NFE2L3: variants seen among roughly 807,000 people sequenced by gnomAD.
The protein encoded by NFE2L3 is NFE2 like bZIP transcription factor 3.
NFE2L3 carries 18 observed loss-of-function variants against 23.5 expected under a neutral mutation model. The observed-to-expected ratio is 0.77, with a 90% CI of 0.53 to 1.13. The LOEUF (loss-of-function observed/expected upper bound fraction) is 1.13. Among genes scored for constraint, NFE2L3 ranks in the 50% most tolerant of loss-of-function variants. The pLI, the probability that NFE2L3 is intolerant of heterozygous loss-of-function variation, is 0.00. For synonymous variants in NFE2L3, 424 were observed against 354.5 expected, an observed-to-expected ratio of 1.20 and a Z score of -2.20; for missense variants, 1,152 against 877.2, an observed-to-expected ratio of 1.31 and a Z score of -3.96.
At chr7:26,163,548 C>T (rs918168810) in intron 1 of NFE2L3, among the ~76,000 whole-genome samples, 3 of 152,040 alleles carry the variant, frequency 2.0e-5, no homozygotes, top group African/African-American at 4.8e-5. Context: ...GATTTCACCA[C>T]GTTGACCAGG....
Position 26,180,852 on chromosome 7 carries a change from TA to T in NFE2L3, c.750+2732del, listed in dbSNP as rs531423250. Among the ~76,000 whole-genome samples the T allele has an allele frequency of 5.1e-4, 77 of 152,338 alleles. 4 individuals carry two copies. The highest frequency in any genetic ancestry group is 4.8e-3 in the Admixed American group (74 of 15,298). ...TGGACAAAACTTTTCAGAAACATATTAATCATTCAAAGCCAGGCATTTGTGC... is the reference window on the plus strand; with the variant it reads ...TGGACAAAACTTTTCAGAAACATATTATCATTCAAAGCCAGGCATTTGTGC... On this transcript the variant is annotated intron_variant, in intron 2 of 3. Coordinates refer to ENST00000056233, the MANE Select transcript of NFE2L3 (RefSeq NM_004289.7).
intron 1 of NFE2L3, among the ~76,000 whole-genome samples, chr7:26,158,621 G>A (rs993982001): frequency 2.0e-5 from 3 of 152,198 alleles, no homozygotes; most frequent in Admixed American, 2.0e-4. Flanking sequence ...TTTCCAGTCA[G>A]TATTTCCCCT....
In NFE2L3 at chr7:26,153,053, C is replaced by T. The variant is rs1267989158; in HGVS notation, c.555C>T (p.Gly185=). 2.8e-5 allele frequency: 42 copies of T among 1,526,292 alleles called. No homozygotes were observed. Among genetic ancestry groups the T allele is most frequent in the Non-Finnish European group, 3.2e-5 (37 of 1,140,468 alleles). 94.5% of individuals were successfully genotyped at this position (1,526,292 alleles called of 1,614,324 possible). A position where few individuals can be genotyped will look rare whatever the true frequency, so the allele number is the denominator to read the frequency against. The part of the protein sequence containing the change: ...AEPTAQVPDA[G]GCASEENGVL... ...CGACGGCTCAGGTGCCGGACGCTGG[C>T]GGATGTGCGAGCGAGGTAGGTGCAG... Residue 185 remains glycine (G), a synonymous_variant, in exon 1 of 4, where the codon GGC becomes GGT. Coordinates refer to ENST00000056233, the MANE Select transcript of NFE2L3 (RefSeq NM_004289.7).
chr7:26,166,220 CAG>C (rs966344598), intron 1 of NFE2L3, among the ~76,000 whole-genome samples: 2 of 152,102 alleles, frequency 1.3e-5, no homozygotes, highest in Non-Finnish European at 2.9e-5. Flanking sequence ...CAGGGGCAGA[CAG>C]GGACGTTGGA....
In NFE2L3 at chr7:26,184,858, A is replaced by G; in HGVS notation, c.1160A>G (p.Asn387Ser). The change falls in exon 4 of 4, where the codon AAT becomes AGT. Residue 387 changes from asparagine (N) to serine (S), a missense_variant. By Grantham distance (46) the Asn-to-Ser change is conservative (BLOSUM62 1). Coordinates refer to ENST00000056233, the MANE Select transcript of NFE2L3 (RefSeq NM_004289.7). The part of the protein sequence containing the change: ...SQDLLYDLDI[N>S]IFDEINLMSL... Reference sequence around the variant, plus strand: ...GACCTACTGTATGACCTTGACATAAATATATTTGATGAGATAAACTTAATG... The same window carrying G: ...GACCTACTGTATGACCTTGACATAAGTATATTTGATGAGATAAACTTAATG... The G allele has an allele frequency of 6.2e-7, 1 of 1,613,954 alleles. No individual in the cohort carries two copies. Among genetic ancestry groups the G allele is most frequent in the South Asian group, 1.1e-5 (1 of 91,068 alleles).
chr7:26,163,408 G>A (rs918137660), intron 1 of NFE2L3, among the ~76,000 whole-genome samples: 5 of 152,082 alleles, frequency 3.3e-5, no homozygotes, highest in African/African-American at 9.7e-5. Flanking sequence ...GTGCAATGGC[G>A]CGATCTCAGC....
intron 1 of NFE2L3, among the ~76,000 whole-genome samples, chr7:26,175,892 TG>T (rs1784396728): frequency 6.8e-6 from 1 of 147,190 alleles, no homozygotes; most frequent in African/African-American, 2.6e-5. Context: ...TGATCATTCT[TG>T]GGTGTTTCTT....
At chr7:26,165,566 C>T (rs1391161343) in intron 1 of NFE2L3, among the ~76,000 whole-genome samples, 2 of 152,214 alleles carry the variant, frequency 1.3e-5, no homozygotes, top group African/African-American at 4.8e-5. Context: ...ATGGGATTTT[C>T]TAGATATACA....
rs1372598650 is a variant in NFE2L3, at chr7:26,187,006, CAG to C, written c.*1225_*1226del. The C allele has an allele frequency of 5.9e-5, 9 of 152,044 alleles. No individual in the cohort carries two copies. The allele number at this position is 152,044 out of a possible 1,614,324, so 9.4% of individuals were successfully genotyped here. A position where few individuals can be genotyped will look rare whatever the true frequency, so the allele number is the denominator to read the frequency against. The stretch of plus-strand genomic sequence containing the variant: ...TCCAAATTTTCAAAATGAAGTTTCT[CAG>C]ATATTATTTCTGCCATAGGAGCTAC... On this transcript the variant is annotated 3_prime_UTR_variant, in exon 4 of 4. Transcript: ENST00000056233.
chr7:26,153,205 A>T (rs1784027036), intron 1 of NFE2L3, 137 bp downstream of exon 1: 1 of 841,396 alleles, frequency 1.2e-6, no homozygotes, highest in Admixed American at 3.9e-5. Flanking sequence ...AGGTTCGCAG[A>T]TGCTGCTGCT....
chr7:26,158,131 C>A (rs942466315), intron 1 of NFE2L3, among the ~76,000 whole-genome samples: 1 of 152,182 alleles, frequency 6.6e-6, no homozygotes, highest in South Asian at 2.1e-4. Flanking sequence ...TCACTGCAAC[C>A]TCTGCCTCCC....
Position 26,184,830 on chromosome 7 carries a change from C to A in NFE2L3, c.1132C>A (p.Gln378Lys). The change falls in exon 4 of 4, where the codon CAA (glutamine) becomes AAA (lysine). Residue 378 changes from glutamine to lysine, a missense_variant. Gln to Lys is a moderately conservative substitution (Grantham distance 53). Transcript: ENST00000056233. ...CAATCATATGAGGAATCTAACAAGC[C>A]AAGACCTACTGTATGACCTTGACAT... ...VDNHMRNLTS[Q>K]DLLYDLDINI... 1 of 1,613,920 alleles carries A rather than the reference C, an allele frequency of 6.2e-7. No individual in the cohort carries two copies. Among genetic ancestry groups the A allele is most frequent in the Non-Finnish European group, 8.5e-7 (1 of 1,179,826 alleles).
At chr7:26,155,017 C>G (rs1784060509) in intron 1 of NFE2L3, among the ~76,000 whole-genome samples, 1 of 152,212 alleles carries the variant, frequency 6.6e-6, no homozygotes, top group Non-Finnish European at 1.5e-5. Context: ...CTGGGATGAC[C>G]TGGTTACATT....
chr7:26,183,935 T>TTA, intron 3 of NFE2L3, 151 bp downstream of exon 3: 1 of 587,564 alleles, frequency 1.7e-6, no homozygotes, highest in Non-Finnish European at 3.0e-6. Context: ...ACCAAATATG[T>TTA]ATAGCATTCC....
chr7:26,164,514 T>G (rs1352248486), intron 1 of NFE2L3, among the ~76,000 whole-genome samples: 1 of 152,258 alleles, frequency 6.6e-6, no homozygotes, highest in African/African-American at 2.4e-5. Context: ...GTTTGTTTTT[T>G]TCTTGTAAAT....
rs1191245397 is a variant in NFE2L3 at position 26,186,099 on chromosome 7, G to C, written c.*316G>C. On this transcript the variant is annotated 3_prime_UTR_variant, in exon 4 of 4. Coordinates refer to ENST00000056233, the MANE Select transcript of NFE2L3 (RefSeq NM_004289.7). ...TGGCAGCCATCCTTTTTAAGAGTAA[G>C]TTGGTTACTTCAAAAAGAGCAAACA... 4.7e-6 allele frequency: 1 copy of C among 212,742 alleles called. No homozygotes were observed. Among genetic ancestry groups the C allele is most frequent in the Non-Finnish European group, 9.3e-6 (1 of 107,996 alleles). The allele number at this position is 212,742 out of a possible 1,614,324, so 13.2% of individuals were successfully genotyped here.
intron 1 of NFE2L3, among the ~76,000 whole-genome samples, chr7:26,169,569 C>T (rs1438438649): frequency 6.6e-6 from 1 of 152,212 alleles, no homozygotes; most frequent in Admixed American, 6.5e-5. Context: ...TGAAGGGGAC[C>T]TGGGCTGCAC....
At chr7:26,161,302 C>T (rs1397518111) in intron 1 of NFE2L3, among the ~76,000 whole-genome samples, 5 of 148,304 alleles carry the variant, frequency 3.4e-5, no homozygotes, top group East Asian at 2.0e-4. Flanking sequence ...AAAGCTCAAC[C>T]GCAGGAAGAA....
intron 2 of NFE2L3, among the ~76,000 whole-genome samples, chr7:26,181,544 A>G (rs1006096213): frequency 2.0e-5 from 3 of 152,182 alleles, no homozygotes; most frequent in African/African-American, 7.2e-5. Flanking sequence ...CACCATCAAG[A>G]ATCCTCGGCC....
Sources: allele counts gnomAD v4.1 joint callset (sites outside exome capture counted in the v4.1 genomes callset), GRCh38; gene constraint gnomAD v4.1.1; transcripts MANE v1.5; gene names NCBI Gene and HGNC (gene_info 2026-07-23, HGNC 2026-07-21).